SERPINI2: variants seen among roughly 807,000 people sequenced by gnomAD.
The protein encoded by SERPINI2 is serpin I2.
In SERPINI2, 48 loss-of-function variants were observed where a neutral mutation model predicts 47.3. The ratio of observed to expected loss-of-function variants is 1.02; its 90% CI spans 0.81 to 1.29. The LOEUF (loss-of-function observed/expected upper bound fraction) is 1.29. Among genes scored for constraint, SERPINI2 ranks in the 50% most tolerant of loss-of-function variants. SERPINI2 has a pLI of 0.00. For missense variants in SERPINI2, 448 were observed against 456.9 expected (o/e 0.98, Z 0.18); for synonymous variants, 135 against 149.3 (o/e 0.90, Z 0.70).
At chr3:167,457,000 T>C (rs1269851690) in intron 5 of SERPINI2, among the ~76,000 whole-genome samples, 1 of 152,180 alleles carries the variant, frequency 6.6e-6, no homozygotes, top group African/African-American at 2.4e-5. Flanking sequence ...TAAAGTTATA[T>C]AGTAAGAAAG....
At position 167,459,068 on chromosome 3, in the gene SERPINI2, G is replaced by GT. The variant is rs1191963816; in HGVS notation, c.867-6036dup. On this transcript the variant is annotated intron_variant, in intron 5 of 8. Transcript: ENST00000264677. The stretch of plus-strand genomic sequence containing the variant: ...GTTTTAGATTCTTCAACCAAAGGAA[G>GT]TTTTTTTTTGTTTTTTTTTTTTTTG... 2.8e-3 allele frequency among the ~76,000 whole-genome samples: 407 copies of GT among 144,524 alleles called. 2 individuals carry two copies. Among genetic ancestry groups the GT allele is most frequent in the African/African-American group, 9.9e-3 (362 of 36,564 alleles). The allele number at this position is 144,524 out of a possible 152,430, so 94.8% of individuals were successfully genotyped here. A position where few individuals can be genotyped will look rare whatever the true frequency, so the allele number is the denominator to read the frequency against.
chr3:167,448,859 T>C (rs1749559706), intron 7 of SERPINI2, among the ~76,000 whole-genome samples: 1 of 152,154 alleles, frequency 6.6e-6, no homozygotes, highest in African/African-American at 2.4e-5. Flanking sequence ...CCCAGGTGAT[T>C]TTTATGTGCA....
rs148421919 is a variant in SERPINI2, at chr3:167,452,284, T to C, written c.964+652A>G. Among the ~76,000 whole-genome samples, 504 of 152,316 alleles carry C rather than the reference T, an allele frequency of 3.3e-3. 2 individuals are homozygous for C. The highest frequency in any genetic ancestry group is 0.024 in the Middle Eastern group (7 of 294). ...CAAACTGGCTCTCTTCATCCATTTTTTTAGCGAGTTATTTTTGAACTAGTG... is the reference window on the plus strand; with the variant it reads ...CAAACTGGCTCTCTTCATCCATTTTCTTAGCGAGTTATTTTTGAACTAGTG... On this transcript the variant is annotated intron_variant, in intron 6 of 8. Transcript: ENST00000264677.
At chr3:167,444,046 T>C (rs1376082574) in intron 8 of SERPINI2, among the ~76,000 whole-genome samples, 1 of 152,126 alleles carries the variant, frequency 6.6e-6, no homozygotes, top group South Asian at 2.1e-4. Flanking sequence ...ACCAAGCTAA[T>C]GGCGAGAAAA....
chr3:167,444,938 C>T (rs1749431601), intron 8 of SERPINI2, among the ~76,000 whole-genome samples: 1 of 152,092 alleles, frequency 6.6e-6, no homozygotes, highest in African/African-American at 2.4e-5. Flanking sequence ...TTTACTTGTG[C>T]ATTGATGCCC....
intron 5 of SERPINI2, among the ~76,000 whole-genome samples, chr3:167,463,400 A>T (rs1750037167): frequency 6.6e-6 from 1 of 152,006 alleles, no homozygotes; most frequent in African/African-American, 2.4e-5. Context: ...TAAAAACCAG[A>T]ATAACAGGGA....
At chr3:167,449,779 C>T (rs1228359271) in intron 6 of SERPINI2, among the ~76,000 whole-genome samples, 1 of 152,186 alleles carries the variant, frequency 6.6e-6, no homozygotes, top group African/African-American at 2.4e-5. Context: ...AGGTGTGAGC[C>T]ACCACGCCCA....
At chr3:167,448,566 A>G (rs1313908789) in intron 7 of SERPINI2, among the ~76,000 whole-genome samples, 1 of 152,236 alleles carries the variant, frequency 6.6e-6, no homozygotes, top group East Asian at 1.9e-4. Flanking sequence ...TCTGTTGCCC[A>G]GGCTGGAGTG....
chr3:167,460,688 A>G (rs1028135343), intron 5 of SERPINI2, among the ~76,000 whole-genome samples: 1 of 152,200 alleles, frequency 6.6e-6, no homozygotes, highest in Non-Finnish European at 1.5e-5. Flanking sequence ...CCTATTTTTC[A>G]TGATGCTATA....
At chr3:167,463,767 T>A (rs1024372978) in intron 5 of SERPINI2, among the ~76,000 whole-genome samples, 1 of 152,130 alleles carries the variant, frequency 6.6e-6, no homozygotes, top group Non-Finnish European at 1.5e-5. Context: ...GATGATAGGT[T>A]TTCTTTACGA....
intron 5 of SERPINI2, 100 bp downstream of exon 5, chr3:167,465,106 T>C: frequency 9.5e-7 from 1 of 1,049,250 alleles, no homozygotes; most frequent in Non-Finnish European, 1.4e-6. Flanking sequence ...TTCATTTGTG[T>C]CAATAGACTT....
chr3:167,445,433 T>C (rs940730796), intron 8 of SERPINI2, among the ~76,000 whole-genome samples: 7 of 152,200 alleles, frequency 4.6e-5, no homozygotes, highest in African/African-American at 1.7e-4. Context: ...TTTAACTCTA[T>C]GAGATGAGCA....
At chr3:167,450,600 A>G (rs1000303592) in intron 6 of SERPINI2, among the ~76,000 whole-genome samples, 1 of 152,170 alleles carries the variant, frequency 6.6e-6, no homozygotes, top group Non-Finnish European at 1.5e-5. Context: ...AGTGATAGAA[A>G]CCTGTAAAGT....
chr3:167,452,961 A>G, exon 6 of SERPINI2: 1 of 1,605,888 alleles, frequency 6.2e-7, no homozygotes, highest in Middle Eastern at 1.7e-4. Flanking sequence ...GGTCGCAGCC[A>G]CCACTAAATA....
chr3:167,473,813 TA>T, intron 1 of SERPINI2, 189 bp downstream of exon 1: 1 of 1,420,466 alleles, frequency 7.0e-7, no homozygotes, highest in Non-Finnish European at 9.2e-7. Context: ...AATAGTCCTA[TA>T]AGAACTGGAT....
intron 6 of SERPINI2, 72 bp from the exon 7 acceptor site, chr3:167,449,474 T>C (rs1749582249): frequency 7.0e-6 from 5 of 719,334 alleles, no homozygotes; most frequent in African/African-American, 1.8e-5. Flanking sequence ...TAGATCTCAA[T>C]TAATTACATT....
At chr3:167,465,086 C>A in intron 5 of SERPINI2, 120 bp downstream of exon 5, 1 of 899,222 alleles carries the variant, frequency 1.1e-6, no homozygotes, top group Non-Finnish European at 1.7e-6. Flanking sequence ...TTTCCAAATA[C>A]ATTTGTATTT....
rs61750373 is a variant in SERPINI2 at position 167,453,000 on chromosome 3, G to A, written c.900C>T (p.Asp300=). Residue 300 remains aspartate (D), a synonymous_variant, in exon 6 of 9, where the codon GAC becomes GAT. Transcript: ENST00000264677. ...CGGTTATGTTCAAAGAATACAAAAC[G>A]TCTTTGAAGTCTACTTTTTGTTCTA... 11,251 of 1,596,408 alleles carry A rather than the reference G, an allele frequency of 7.0e-3. 67 individuals are homozygous for A. Among genetic ancestry groups the A allele is most frequent in the Non-Finnish European group, 7.8e-3 (9,129 of 1,170,420 alleles).
upstream of SERPINI2, among the ~76,000 whole-genome samples, chr3:167,474,691 T>C (rs995008833): frequency 6.6e-6 from 1 of 151,748 alleles, no homozygotes; most frequent in Non-Finnish European, 1.5e-5. Context: ...ATGATAAAAA[T>C]TGCTGTTACC....
Sources: allele counts gnomAD v4.1 joint callset (sites outside exome capture counted in the v4.1 genomes callset), GRCh38; gene constraint gnomAD v4.1.1; transcripts MANE v1.5; gene names NCBI Gene and HGNC (gene_info 2026-07-23, HGNC 2026-07-21).